TMTC2: variants seen among roughly 807,000 people sequenced by gnomAD.
TMTC2 encodes the protein transmembrane O-mannosyltransferase targeting cadherins 2.
In TMTC2, 43 loss-of-function variants were observed where a neutral mutation model predicts 82.4. That is an observed-to-expected ratio of 0.52 (90% CI 0.41 to 0.67). TMTC2 has a LOEUF of 0.67. TMTC2 is among the 30% of genes least tolerant of loss of function. The probability of loss-of-function intolerance (pLI) is 0.00; values close to 1 mark genes in which losing one functional copy is unlikely to be tolerated. For missense variants in TMTC2, 919 were observed against 1,012.4 expected (o/e 0.91, Z 1.25); for synonymous variants, 408 against 381.9 (o/e 1.07, Z -0.80).
At chr12:82,967,842 A>G (rs545025242) in intron 7 of TMTC2, among the ~76,000 whole-genome samples, 137 of 152,240 alleles carry the variant, frequency 9.0e-4, no homozygotes, top group Non-Finnish European at 1.7e-3. Flanking sequence ...AAGTTGTTTA[A>G]TATTTCTAGT....
intron 11 of TMTC2, among the ~76,000 whole-genome samples, chr12:83,117,481 A>C (rs1592504306): frequency 6.6e-6 from 1 of 151,698 alleles, no homozygotes; most frequent in African/African-American, 2.4e-5. Context: ...CAAGTCAATA[A>C]CTTTATTGAG....
intron 2 of TMTC2, among the ~76,000 whole-genome samples, chr12:82,887,893 A>G (rs1873183721): frequency 6.6e-6 from 1 of 152,110 alleles, no homozygotes; most frequent in East Asian, 1.9e-4. Context: ...CAGCCTGACC[A>G]ACATGGAGAA....
chr12:83,071,346 A>G (rs181451626), intron 11 of TMTC2, among the ~76,000 whole-genome samples: 7 of 151,534 alleles, frequency 4.6e-5, no homozygotes, highest in Non-Finnish European at 7.4e-5. Context: ...TTTAGTGGAG[A>G]CGGGGTTTCA....
chr12:83,044,195 A>G (rs1429622217), intron 9 of TMTC2, among the ~76,000 whole-genome samples: 2 of 152,216 alleles, frequency 1.3e-5, no homozygotes, highest in African/African-American at 4.8e-5. Context: ...CTTGAAGATG[A>G]GAGCCACATA....
chr12:82,749,739 C>CTTTCTTTTT (rs575985124), intron 1 of TMTC2, among the ~76,000 whole-genome samples: 1 of 127,158 alleles, frequency 7.9e-6, no homozygotes, highest in African/African-American at 3.1e-5. Context: ...TTCTTTCTTT[C>CTTTCTTTTT]TTTTTTTTTT....
At chr12:82,960,922 A>C (rs567499987) in intron 4 of TMTC2, among the ~76,000 whole-genome samples, 2 of 152,108 alleles carry the variant, frequency 1.3e-5, no homozygotes, top group South Asian at 4.2e-4. Flanking sequence ...ATTTTTAAAC[A>C]GTCATGAAAA....
At chr12:82,840,197 C>T (rs545661056) in intron 1 of TMTC2, among the ~76,000 whole-genome samples, 2 of 152,288 alleles carry the variant, frequency 1.3e-5, no homozygotes, top group African/African-American at 4.8e-5. Flanking sequence ...ACCTAGTTAC[C>T]TTATTTACTG....
At chr12:83,087,498 T>C (rs920855213) in intron 11 of TMTC2, among the ~76,000 whole-genome samples, 1 of 152,246 alleles carries the variant, frequency 6.6e-6, no homozygotes, top group African/African-American at 2.4e-5. Flanking sequence ...GAGGAATCAC[T>C]ATCTGTAGTA....
chr12:83,003,606 C>G (rs1880020819), intron 8 of TMTC2, among the ~76,000 whole-genome samples: 1 of 152,062 alleles, frequency 6.6e-6, no homozygotes, highest in Non-Finnish European at 1.5e-5. Flanking sequence ...TAATGCTGGT[C>G]TAGTGGTAAT....
intron 1 of TMTC2, among the ~76,000 whole-genome samples, chr12:82,696,724 G>T (rs1872806313): frequency 6.6e-6 from 1 of 152,160 alleles, no homozygotes; most frequent in East Asian, 1.9e-4. Context: ...GGGAATTATT[G>T]GTTGGCCACT....
At chr12:82,783,938 G>A (rs996628831) in intron 1 of TMTC2, among the ~76,000 whole-genome samples, 1 of 152,058 alleles carries the variant, frequency 6.6e-6, no homozygotes. Flanking sequence ...TGTGATACAT[G>A]AGAATGTTTA....
intron 1 of TMTC2, among the ~76,000 whole-genome samples, chr12:82,785,421 T>G (rs1278208774): frequency 2.4e-5 from 3 of 127,570 alleles, no homozygotes; most frequent in African/African-American, 3.1e-5. Context: ...CCAGGGAATA[T>G]TATTAGAGCA....
At chr12:83,108,332 T>C (rs972474102) in intron 11 of TMTC2, among the ~76,000 whole-genome samples, 1 of 152,176 alleles carries the variant, frequency 6.6e-6, no homozygotes, top group Non-Finnish European at 1.5e-5. Context: ...GTGATCAGTA[T>C]TATTTTTAGC....
intron 1 of TMTC2, among the ~76,000 whole-genome samples, chr12:82,784,397 T>C (rs1033740048): frequency 7.9e-5 from 12 of 152,184 alleles, no homozygotes; most frequent in Non-Finnish European, 1.8e-4. Context: ...ACATGGTATA[T>C]TATGGTTAAG....
In TMTC2 at chr12:82,895,895, CTGGAT is replaced by C; in HGVS notation, c.733_737del (p.Trp245GlyfsTer16). On this transcript the variant is annotated frameshift_variant, in exon 3 of 12. Coordinates refer to ENST00000321196, the MANE Select transcript of TMTC2 (RefSeq NM_152588.3). LOFTEE classifies it high-confidence loss of function. ...CCTCCCTTTTGGGTGCCCGGTTATA[CTGGAT>C]GGGAAACAAACCACCAAGCTTTTCC... 6.2e-7 allele frequency: 1 copy of C among 1,613,866 alleles called. No individual in the cohort carries two copies. Among genetic ancestry groups the C allele is most frequent in the Non-Finnish European group, 8.5e-7 (1 of 1,179,964 alleles).
chr12:82,745,817 A>T (rs1875658810), intron 1 of TMTC2, among the ~76,000 whole-genome samples: 1 of 152,236 alleles, frequency 6.6e-6, no homozygotes, highest in South Asian at 2.1e-4. Flanking sequence ...GTGGTGACTT[A>T]ATTCAGAGCA....
At chr12:82,709,063 A>G (rs925466031) in intron 1 of TMTC2, among the ~76,000 whole-genome samples, 7 of 151,514 alleles carry the variant, frequency 4.6e-5, no homozygotes, top group East Asian at 1.9e-4. Context: ...AAATGTCAGT[A>G]ACATACTGCT....
At chr12:82,977,203 A>G (rs946947607) in intron 7 of TMTC2, among the ~76,000 whole-genome samples, 1 of 152,026 alleles carries the variant, frequency 6.6e-6, no homozygotes, top group Non-Finnish European at 1.5e-5. Flanking sequence ...AAATTTATTT[A>G]TAGATTTTAA....
At chr12:82,709,690 A>C (rs1482957961) in intron 1 of TMTC2, among the ~76,000 whole-genome samples, 2 of 152,164 alleles carry the variant, frequency 1.3e-5, no homozygotes, top group Non-Finnish European at 2.9e-5. Context: ...AAAACAAAAA[A>C]CAAAAAACAA....
Sources: gnomAD v4.1 joint callset for allele counts (sites outside exome capture counted in the v4.1 genomes callset) on GRCh38, gnomAD v4.1.1 for gene constraint, MANE v1.5 for transcripts, NCBI Gene and HGNC (gene_info 2026-07-23, HGNC 2026-07-21) for gene names.